The following UBE2L3 variants were observed in gnomAD, a reference collection of about 807,000 sequenced individuals.
The protein encoded by UBE2L3 is ubiquitin conjugating enzyme E2 L3, also known as ubiquitin-conjugating enzyme E2 L3.
Under a neutral mutation model 17.8 loss-of-function variants are expected in UBE2L3, and 1 was observed. The ratio of observed to expected loss-of-function variants is 0.06; its 90% CI spans 0.02 to 0.27. The LOEUF (loss-of-function observed/expected upper bound fraction) is 0.27. Among genes scored for constraint, UBE2L3 ranks in the 10% least tolerant of loss-of-function variants. The probability of loss-of-function intolerance (pLI) is 1.00; values close to 1 mark genes in which losing one functional copy is unlikely to be tolerated. For synonymous variants in UBE2L3, 44 were observed against 68.5 expected (o/e 0.64, Z 1.76); for missense variants, 40 against 192.6 (o/e 0.21, Z 4.69).
intron 2 of UBE2L3, among the ~76,000 whole-genome samples, chr22:21,593,764 C>G (rs1928385052): frequency 6.6e-6 from 1 of 152,174 alleles, no homozygotes; most frequent in South Asian, 2.1e-4. Flanking sequence ...CATCATGGCC[C>G]TTGCTTGCCT....
chr22:21,572,263 G>A (rs1248586849), intron 1 of UBE2L3, among the ~76,000 whole-genome samples: 15 of 151,736 alleles, frequency 9.9e-5, no homozygotes, highest in Admixed American at 7.9e-4. Flanking sequence ...TGAAACCCCC[G>A]TCTCTACTAA....
At chr22:21,574,931 C>T (rs1927179279) in intron 1 of UBE2L3, among the ~76,000 whole-genome samples, 1 of 151,492 alleles carries the variant, frequency 6.6e-6, no homozygotes, top group Admixed American at 6.6e-5. Context: ...TGCCACTGCA[C>T]TCCAGCCTGG....
chr22:21,587,127 C>G (rs1430043644), intron 1 of UBE2L3, among the ~76,000 whole-genome samples: 5 of 152,024 alleles, frequency 3.3e-5, no homozygotes, highest in African/African-American at 1.2e-4. Flanking sequence ...CTCAAGTGAT[C>G]CACCTGCTTT....
At chr22:21,567,009 A>G (rs1460986323), upstream of UBE2L3, among the ~76,000 whole-genome samples, 4 of 152,148 alleles carry the variant, frequency 2.6e-5, no homozygotes, top group African/African-American at 9.7e-5. Flanking sequence ...TCAAGGGTTA[A>G]AGAAAATAAA....
chr22:21,601,361 G>A (rs921445786), intron 2 of UBE2L3, among the ~76,000 whole-genome samples: 5 of 151,588 alleles, frequency 3.3e-5, no homozygotes, highest in African/African-American at 1.2e-4. Context: ...CCCCCAGGCT[G>A]GAGTGCAGTG....
chr22:21,598,210 T>TGTGTGTGTGTGTGTGTG (rs1555885647), intron 2 of UBE2L3, among the ~76,000 whole-genome samples: 3 of 151,882 alleles, frequency 2.0e-5, no homozygotes, highest in African/African-American at 4.8e-5. Context: ...TGTGTGTGTG[T>TGTGTGTGTGTGTGTGTG]TTTTCATTTA....
intron 2 of UBE2L3, among the ~76,000 whole-genome samples, chr22:21,596,017 C>T (rs953909132): frequency 6.6e-6 from 1 of 152,010 alleles, no homozygotes; most frequent in African/African-American, 2.4e-5. Flanking sequence ...AGGTGCGCAC[C>T]ACCACACCCC....
upstream of UBE2L3, among the ~76,000 whole-genome samples, chr22:21,564,665 C>T (rs916809775): frequency 5.9e-5 from 9 of 152,208 alleles, no homozygotes; most frequent in Non-Finnish European, 1.0e-4. Flanking sequence ...CTCTGATGAT[C>T]CCACTCTGTA....
intron 3 of UBE2L3, among the ~76,000 whole-genome samples, chr22:21,620,259 C>G (rs1037069399): frequency 6.6e-5 from 10 of 151,202 alleles, no homozygotes; most frequent in African/African-American, 2.0e-4. Context: ...GTACTCTAGC[C>G]TAGGTTAAAA....
chr22:21,616,700 C>T (rs1929795282), intron 3 of UBE2L3, among the ~76,000 whole-genome samples: 1 of 151,358 alleles, frequency 6.6e-6, no homozygotes, highest in African/African-American at 2.4e-5. Flanking sequence ...TGACAGGCAC[C>T]TGTAATCCCA....
At chr22:21,606,531 A>C (rs548902045) in intron 2 of UBE2L3, among the ~76,000 whole-genome samples, 260 of 152,090 alleles carry the variant, frequency 1.7e-3, no homozygotes, top group Non-Finnish European at 2.4e-3. Context: ...ACTTCCCCCC[A>C]CCACCACCAC....
At chr22:21,592,828 T>G in intron 1 of UBE2L3, 33 bp from the exon 2 acceptor site, 1 of 1,549,470 alleles carries the variant, frequency 6.5e-7, no homozygotes, top group Non-Finnish European at 8.9e-7. Context: ...CTTTCCCCTA[T>G]TTGACACCCC....
intron 1 of UBE2L3, among the ~76,000 whole-genome samples, chr22:21,577,568 G>A (rs1927384231): frequency 6.6e-6 from 1 of 152,228 alleles, no homozygotes; most frequent in Non-Finnish European, 1.5e-5. Flanking sequence ...CAGATGAGGA[G>A]GCTGAAGTCA....
chr22:21,611,248 G>C (rs1046150004), intron 3 of UBE2L3, among the ~76,000 whole-genome samples: 1 of 152,184 alleles, frequency 6.6e-6, no homozygotes, highest in African/African-American at 2.4e-5. Flanking sequence ...CCTTTCCAGT[G>C]CTCAGCCCTG....
rs138072436 is a variant in UBE2L3, at chr22:21,608,573, C to T, written c.124-2284C>T. On this transcript the variant is annotated intron_variant, in intron 2 of 3. Coordinates refer to ENST00000342192, the MANE Select transcript of UBE2L3 (RefSeq NM_003347.4). ...CAAGTAGCTGGACTACAGGCGTGCA[C>T]CACTACGCTCTGCTAATTTTTTTGT... Among the ~76,000 whole-genome samples, 656 of 151,984 alleles carry T rather than the reference C, an allele frequency of 4.3e-3. 4 individuals carry two copies. The highest frequency in any genetic ancestry group is 0.015 in the African/African-American group (621 of 41,478).
At chr22:21,571,077 G>A (rs536619902) in intron 1 of UBE2L3, among the ~76,000 whole-genome samples, 37 of 152,274 alleles carry the variant, frequency 2.4e-4, no homozygotes, top group Non-Finnish European at 4.7e-4. Flanking sequence ...TTGCCAGGAG[G>A]CTTAACCTCT....
At chr22:21,586,346 A>G (rs1414412310) in intron 1 of UBE2L3, among the ~76,000 whole-genome samples, 4 of 151,834 alleles carry the variant, frequency 2.6e-5, no homozygotes, top group Admixed American at 6.6e-5. Flanking sequence ...GCTCACTGCA[A>G]CCTCCACTTC....
At chr22:21,614,402 G>A (rs960785397) in intron 3 of UBE2L3, among the ~76,000 whole-genome samples, 8 of 150,518 alleles carry the variant, frequency 5.3e-5, no homozygotes, top group African/African-American at 2.0e-4. Flanking sequence ...CCAGCCTGAG[G>A]AACATGGTGA....
chr22:21,612,856 C>T (rs1361081591), intron 3 of UBE2L3, among the ~76,000 whole-genome samples: 2 of 151,484 alleles, frequency 1.3e-5, no homozygotes, highest in Admixed American at 6.6e-5. Context: ...AGGCTGGTCT[C>T]GAACTCCTGA....
Sources: gnomAD v4.1 joint callset for allele counts (sites outside exome capture counted in the v4.1 genomes callset) on GRCh38, gnomAD v4.1.1 for gene constraint, MANE v1.5 for transcripts, NCBI Gene and HGNC (gene_info 2026-07-23, HGNC 2026-07-21) for gene names.